The following TEAD1 variants were observed in gnomAD, a reference collection of about 807,000 sequenced individuals.
The protein encoded by TEAD1 is TEA domain transcription factor 1.
TEAD1 carries 9 observed loss-of-function variants against 54.9 expected under a neutral mutation model. The ratio of observed to expected loss-of-function variants is 0.16; its 90% CI spans 0.10 to 0.29. TEAD1 has a LOEUF of 0.29. TEAD1 is among the 10% of genes least tolerant of loss of function. TEAD1 has a pLI of 1.00. For missense variants in TEAD1, 387 were observed against 535.9 expected (o/e 0.72, Z 2.74); for synonymous variants, 200 against 187.8 (o/e 1.07, Z -0.53).
chr11:12,739,394 C>T lies in TEAD1; in HGVS notation c.-54-24785C>T, dbSNP rs141453554. On this transcript the variant is annotated intron_variant, in intron 2 of 12. Transcript: ENST00000527636. ...TCGTCACCACCATCCATGCACAGAA[C>T]TCTTTTTATCTGCAAAACTGAAAAT... is the stretch of plus-strand genomic sequence containing the variant. 3.5e-3 allele frequency among the ~76,000 whole-genome samples: 533 copies of T among 152,316 alleles called. 4 individuals are homozygous for T. Among genetic ancestry groups the T allele is most frequent in the African/African-American group, 0.012 (506 of 41,560 alleles).
intron 3 of TEAD1, among the ~76,000 whole-genome samples, chr11:12,832,222 A>G (rs554409022): frequency 2.0e-5 from 3 of 152,322 alleles, no homozygotes; most frequent in Non-Finnish European, 4.4e-5. Flanking sequence ...TTGGGGGCCT[A>G]TGAAGGATTG....
chr11:12,786,083 C>T (rs750597114), intron 3 of TEAD1, among the ~76,000 whole-genome samples: 6 of 152,198 alleles, frequency 3.9e-5, no homozygotes, highest in South Asian at 2.1e-4. Context: ...AGGTGTGTGA[C>T]GGAGCAGGGC....
rs537104127 is a variant in TEAD1 at position 12,844,646 on chromosome 11, C to G, written c.203-17604C>G. Among the ~76,000 whole-genome samples, 74 of 152,070 alleles carry G rather than the reference C, an allele frequency of 4.9e-4. 1 individual carries two copies. The highest frequency in any genetic ancestry group is 1.7e-3 in the African/African-American group (72 of 41,460). On this transcript the variant is annotated intron_variant, in intron 3 of 12. Transcript: ENST00000527636. ...GCTGACTTCAGAGTGCCAGATCAAC[C>G]CCAATATTTTTTTCAGGGATGCTAA... is the stretch of plus-strand genomic sequence containing the variant.
intron 2 of TEAD1, among the ~76,000 whole-genome samples, chr11:12,757,727 T>C (rs1204876504): frequency 6.6e-6 from 1 of 152,244 alleles, no homozygotes; most frequent in African/African-American, 2.4e-5. Flanking sequence ...AGTCATGTTG[T>C]TATCAAAGAA....
intron 2 of TEAD1, among the ~76,000 whole-genome samples, chr11:12,690,036 C>G (rs188055960): frequency 0.015 from 2,206 of 151,844 alleles, 51 homozygotes; most frequent in African/African-American, 0.051. Context: ...GTCAGGAGAT[C>G]GAGACCATCC....
At chr11:12,838,472 G>A (rs892852656) in intron 3 of TEAD1, among the ~76,000 whole-genome samples, 15 of 152,128 alleles carry the variant, frequency 9.9e-5, no homozygotes, top group Non-Finnish European at 2.1e-4. Flanking sequence ...AATACTTTTG[G>A]ATTCAAATCA....
At chr11:12,699,192 T>G (rs1943645861) in intron 2 of TEAD1, among the ~76,000 whole-genome samples, 1 of 152,154 alleles carries the variant, frequency 6.6e-6, no homozygotes, top group African/African-American at 2.4e-5. Context: ...TTCATTGGTT[T>G]CTTCATGGAT....
At chr11:12,677,996 C>T (rs1943133743) in intron 2 of TEAD1, among the ~76,000 whole-genome samples, 1 of 152,252 alleles carries the variant, frequency 6.6e-6, no homozygotes, top group Admixed American at 6.5e-5. Context: ...TAAAAATGAC[C>T]ATATTCACAT....
intron 10 of TEAD1, among the ~76,000 whole-genome samples, chr11:12,913,426 G>A (rs776204494): frequency 9.9e-5 from 15 of 152,268 alleles, no homozygotes; most frequent in African/African-American, 3.1e-4. Context: ...AGACTTATAC[G>A]TATGTATCTA....
At chr11:12,701,580 T>A (rs1437733750) in intron 2 of TEAD1, among the ~76,000 whole-genome samples, 1 of 152,080 alleles carries the variant, frequency 6.6e-6, no homozygotes, top group South Asian at 2.1e-4. Flanking sequence ...TCACTGTCTT[T>A]AGTTTCCAAA....
chr11:12,843,416 G>A (rs1291433144), intron 3 of TEAD1, among the ~76,000 whole-genome samples: 2 of 152,182 alleles, frequency 1.3e-5, no homozygotes, highest in South Asian at 2.1e-4. Flanking sequence ...GTTTTTAAAC[G>A]CATTTTTGTG....
chr11:12,706,255 C>T (rs1943812436), intron 2 of TEAD1, among the ~76,000 whole-genome samples: 1 of 152,172 alleles, frequency 6.6e-6, no homozygotes. Flanking sequence ...TCTTCCATTC[C>T]CTTCAAGTCA....
At chr11:12,732,982 T>G (rs1451991341) in intron 2 of TEAD1, among the ~76,000 whole-genome samples, 1 of 152,186 alleles carries the variant, frequency 6.6e-6, no homozygotes, top group Non-Finnish European at 1.5e-5. Context: ...AAACCAGAAT[T>G]CAAGAGCTCT....
chr11:12,887,097 G>GTTTTTTTTTTT (rs150663285), intron 9 of TEAD1, among the ~76,000 whole-genome samples: 2 of 112,826 alleles, frequency 1.8e-5, no homozygotes, highest in African/African-American at 6.9e-5. Flanking sequence ...TTTTTTGTTT[G>GTTTTTTTTTTT]TTTTTTTTTT....
intron 10 of TEAD1, among the ~76,000 whole-genome samples, chr11:12,912,667 G>A (rs1948638140): frequency 6.6e-6 from 1 of 152,142 alleles, no homozygotes; most frequent in African/African-American, 2.4e-5. Context: ...GGATTTCACA[G>A]GATAGGATAG....
In TEAD1 at chr11:12,788,109, G is replaced by A. The variant is rs144198978; in HGVS notation, c.202+23675G>A. 7.1e-3 allele frequency among the ~76,000 whole-genome samples: 1,075 copies of A among 150,472 alleles called. 17 individuals carry two copies. Among genetic ancestry groups the A allele is most frequent in the African/African-American group, 0.025 (1,036 of 40,880 alleles). Reference sequence around the variant, plus strand: ...TCCTGAGTAGCTGGGACCACCACAGGCACTCGCCACCATGCCCAGCTAATT... The same window carrying A: ...TCCTGAGTAGCTGGGACCACCACAGACACTCGCCACCATGCCCAGCTAATT... On this transcript the variant is annotated intron_variant, in intron 3 of 12. Coordinates refer to ENST00000527636, the MANE Select transcript of TEAD1 (RefSeq NM_021961.6).
At chr11:12,808,877 A>T (rs4757948) in intron 3 of TEAD1, among the ~76,000 whole-genome samples, 1 of 152,248 alleles carries the variant, frequency 6.6e-6, no homozygotes, top group East Asian at 1.9e-4. Flanking sequence ...CTCCCATTCC[A>T]TAAGGTGGCT....
At position 12,944,085 on chromosome 11, in the gene TEAD1, CTGTGTCTT is replaced by C. The variant is rs1228869091; in HGVS notation, c.*6870_*6877del. 2.0e-5 allele frequency: 3 copies of C among 152,576 alleles called. No individual in the cohort carries two copies. Among genetic ancestry groups the C allele is most frequent in the South Asian group, 2.1e-4 (1 of 4,822 alleles). 9.5% of individuals were successfully genotyped at this position (152,576 alleles called of 1,614,324 possible). On this transcript the variant is annotated 3_prime_UTR_variant, in exon 13 of 13. Coordinates refer to ENST00000527636, the MANE Select transcript of TEAD1 (RefSeq NM_021961.6). ...AATGACTTAATGGGATTCTCACGGTCTGTGTCTTTGTGTCACGTGTATAAAATGGGCTT... is the reference window on the plus strand; with the variant it reads ...AATGACTTAATGGGATTCTCACGGTCTGTGTCACGTGTATAAAATGGGCTT...
At chr11:12,864,533 G>C (rs941743382) in intron 4 of TEAD1, among the ~76,000 whole-genome samples, 10 of 152,080 alleles carry the variant, frequency 6.6e-5, no homozygotes, top group Admixed American at 5.9e-4. Context: ...CCTAACTGCA[G>C]AGCTTTGTTG....
Sources: allele counts gnomAD v4.1 joint callset (sites outside exome capture counted in the v4.1 genomes callset), GRCh38; gene constraint gnomAD v4.1.1; transcripts MANE v1.5; gene names NCBI Gene and HGNC (gene_info 2026-07-23, HGNC 2026-07-21).